The following TACC1 variants were observed in gnomAD, a reference collection of about 807,000 sequenced individuals.
TACC1 encodes the protein transforming acidic coiled-coil-containing protein 1.
In TACC1, 48 loss-of-function variants were observed where a neutral mutation model predicts 84.4. The observed-to-expected ratio is 0.57, with a 90% CI of 0.45 to 0.72. TACC1 has a LOEUF of 0.72. Among genes scored for constraint, TACC1 ranks in the 30% least tolerant of loss-of-function variants. The pLI is 0.00. For missense variants in TACC1, 920 were observed against 973.0 expected, an observed-to-expected ratio of 0.95 and a Z score of 0.72; for synonymous variants, 372 against 376.3, an observed-to-expected ratio of 0.99 and a Z score of 0.13.
Position 38,846,835 on chromosome 8 carries a change from T to C in TACC1, c.2349+16T>C. 1 of 1,613,262 alleles carries C rather than the reference T, an allele frequency of 6.2e-7. No homozygotes were observed. The highest frequency in any genetic ancestry group is 2.2e-5 in the East Asian group (1 of 44,868). On this transcript the variant is annotated intron_variant, in intron 12 of 12. Coordinates refer to ENST00000317827, the MANE Select transcript of TACC1 (RefSeq NM_006283.3). The stretch of plus-strand genomic sequence containing the variant: ...GCAGCAGAAGGTACAGAAAGGGACC[T>C]GATCTGGGTGGCCACAGAGACGTTT...
At chr8:38,765,988 A>AAG (rs1285731119) in intron 3 of TACC1, among the ~76,000 whole-genome samples, 1 of 152,214 alleles carries the variant, frequency 6.6e-6, no homozygotes, top group Non-Finnish European at 1.5e-5. Flanking sequence ...GGTCATCAGT[A>AAG]AGCTTTGTCA....
intron 2 of TACC1, among the ~76,000 whole-genome samples, chr8:38,793,790 T>C (rs1362197157): frequency 1.3e-5 from 2 of 152,174 alleles, no homozygotes; most frequent in Non-Finnish European, 2.9e-5. Context: ...CATTCATTCA[T>C]GTATTGTCTA....
At position 38,825,181 on chromosome 8, in the gene TACC1, T is replaced by C. The variant is rs551341373; in HGVS notation, c.1392-127T>C. The stretch of plus-strand genomic sequence containing the variant: ...TGTCCCTGCCTCTCTCCTGCGGCGA[T>C]GTATGATTTGTGTGGTGCTGTATGC... On this transcript the variant is annotated intron_variant, in intron 3 of 12. Transcript: ENST00000317827. 5.8e-5 allele frequency: 55 copies of C among 940,758 alleles called. No homozygotes were observed. In the African/African-American group the frequency reaches 8.4e-4, roughly 14 times the overall value. 58.3% of individuals were successfully genotyped at this position (940,758 alleles called of 1,614,324 possible).
At chr8:38,822,509 C>A (rs1827108759) in intron 3 of TACC1, among the ~76,000 whole-genome samples, 1 of 152,236 alleles carries the variant, frequency 6.6e-6, no homozygotes, top group Non-Finnish European at 1.5e-5. Context: ...CGGTACACTT[C>A]AGCTATGCTA....
intron 3 of TACC1, among the ~76,000 whole-genome samples, chr8:38,767,373 T>C (rs1172769081): frequency 6.6e-6 from 1 of 152,222 alleles, no homozygotes; most frequent in African/African-American, 2.4e-5. Context: ...CCGTGGGCCA[T>C]AGTAATGGCA....
At chr8:38,790,396 TAATTCA>T (rs1214775536) in intron 2 of TACC1, among the ~76,000 whole-genome samples, 4 of 152,230 alleles carry the variant, frequency 2.6e-5, no homozygotes, top group African/African-American at 9.6e-5. Flanking sequence ...TTGAGAGACA[TAATTCA>T]GCCCACAACA....
chr8:38,851,986 C>A lies in TACC1; in HGVS notation c.*3963C>A. On this transcript the variant is annotated 3_prime_UTR_variant, in exon 13 of 13. Transcript: ENST00000317827. ...TTAAAAAGCAACTTACCACTAAATCCTTGAGTCTCCATAGAGTAACAGTAA... is the reference window on the plus strand; with the variant it reads ...TTAAAAAGCAACTTACCACTAAATCATTGAGTCTCCATAGAGTAACAGTAA... 1 of 456,502 alleles carries A rather than the reference C, an allele frequency of 2.2e-6. No individual in the cohort carries two copies. The allele number at this position is 456,502 out of a possible 1,614,324, so 28.3% of individuals were successfully genotyped here. A position where few individuals can be genotyped will look rare whatever the true frequency, so the allele number is the denominator to read the frequency against.
chr8:38,751,125 C>T (rs2151742822), intron 3 of TACC1, among the ~76,000 whole-genome samples: 1 of 152,072 alleles, frequency 6.6e-6, no homozygotes, highest in South Asian at 2.1e-4. Flanking sequence ...AGATGGGTAG[C>T]TCTGAGATAA....
intron 2 of TACC1, among the ~76,000 whole-genome samples, chr8:38,807,102 G>A (rs1822945301): frequency 6.6e-6 from 1 of 152,180 alleles, no homozygotes; most frequent in Non-Finnish European, 1.5e-5. Flanking sequence ...GAGCTTCCAT[G>A]CCCTCTCTGG....
At chr8:38,758,678 CAAAAA>C (rs773304871) in intron 3 of TACC1, among the ~76,000 whole-genome samples, 8 of 26,082 alleles carry the variant, frequency 3.1e-4, no homozygotes, top group South Asian at 3.1e-3. Context: ...GACTCCATCT[CAAAAA>C]AAAAAAAAAA....
At chr8:38,824,468 A>C (rs1183263135) in intron 3 of TACC1, among the ~76,000 whole-genome samples, 1 of 152,250 alleles carries the variant, frequency 6.6e-6, no homozygotes, top group East Asian at 1.9e-4. Context: ...ACTCAGTAAG[A>C]AGATTAGGGA....
chr8:38,798,629 GTGTGTGTGTGTA>G (rs1487911637), intron 2 of TACC1, among the ~76,000 whole-genome samples: 3 of 151,730 alleles, frequency 2.0e-5, no homozygotes, highest in Non-Finnish European at 4.4e-5. Flanking sequence ...GTGTGTGTGT[GTGTGTGTGTGTA>G]TGTGTATTTT....
At chr8:38,773,760 T>C (rs1337240985) in intron 3 of TACC1, among the ~76,000 whole-genome samples, 1 of 152,164 alleles carries the variant, frequency 6.6e-6, no homozygotes, top group Non-Finnish European at 1.5e-5. Context: ...GGAGCTTATG[T>C]CTAGTAGGGA....
intron 2 of TACC1, among the ~76,000 whole-genome samples, chr8:38,792,170 C>T (rs924236662): frequency 4.6e-5 from 7 of 152,202 alleles, no homozygotes; most frequent in African/African-American, 1.7e-4. Context: ...TGCTATCTGT[C>T]TGTTTTCTCC....
intron 3 of TACC1, among the ~76,000 whole-genome samples, chr8:38,776,155 A>G (rs1814752621): frequency 6.6e-6 from 1 of 152,234 alleles, no homozygotes; most frequent in South Asian, 2.1e-4. Context: ...ACCTTCATCA[A>G]TATGTAAATC....
intron 2 of TACC1, among the ~76,000 whole-genome samples, chr8:38,818,902 T>G (rs2152198459): frequency 6.6e-6 from 1 of 152,146 alleles, no homozygotes; most frequent in Non-Finnish European, 1.5e-5. Flanking sequence ...CTCAGCCTCC[T>G]GAGTGACTGG....
At chr8:38,800,404 C>T (rs142493864) in intron 2 of TACC1, among the ~76,000 whole-genome samples, 26 of 152,282 alleles carry the variant, frequency 1.7e-4, no homozygotes, top group African/African-American at 6.0e-4. Context: ...CATTAGGTGT[C>T]ACACTCCATT....
intron 3 of TACC1, among the ~76,000 whole-genome samples, chr8:38,752,314 C>CA (rs1809190330): frequency 6.6e-6 from 1 of 151,916 alleles, no homozygotes; most frequent in Non-Finnish European, 1.5e-5. Flanking sequence ...TACTAAAATA[C>CA]AAAAAAATTA....
chr8:38,837,953 C>T (rs563745061), intron 7 of TACC1, among the ~76,000 whole-genome samples: 1 of 152,360 alleles, frequency 6.6e-6, no homozygotes, highest in South Asian at 2.1e-4. Flanking sequence ...TAGATGTAGC[C>T]AGCTCATCTG....
Sources: gnomAD v4.1 joint callset for allele counts (sites outside exome capture counted in the v4.1 genomes callset) on GRCh38, gnomAD v4.1.1 for gene constraint, MANE v1.5 for transcripts, NCBI Gene and HGNC (gene_info 2026-07-23, HGNC 2026-07-21) for gene names.